The following ZFYVE9 variants were observed in gnomAD, a reference collection of about 807,000 sequenced individuals.
ZFYVE9 encodes zinc finger FYVE-type containing 9.
A neutral mutation model predicts 126.7 loss-of-function variants in ZFYVE9; 43 were observed. The observed-to-expected ratio is 0.34, with a 90% CI of 0.27 to 0.44. The LOEUF (loss-of-function observed/expected upper bound fraction) is 0.44, where lower values mean the gene tolerates loss of function less well. ZFYVE9 is among the 20% of genes least tolerant of loss of function. The pLI is 1.00. For missense variants in ZFYVE9, 1,476 were observed against 1,697.0 expected (o/e 0.87, Z 2.29); for synonymous variants, 521 against 597.4 (o/e 0.87, Z 1.87).
chr1:52,238,627 T>G lies in ZFYVE9; in HGVS notation c.1210T>G (p.Leu404Val). The G allele has an allele frequency of 6.2e-7, 1 of 1,614,020 alleles. No individual in the cohort carries two copies. Among genetic ancestry groups the G allele is most frequent in the Non-Finnish European group, 8.5e-7 (1 of 1,179,968 alleles). The change falls in exon 4 of 19, where the codon TTG (leucine) becomes GTG (valine). Residue 404 changes from leucine to valine, a missense_variant. Leu to Val is a conservative substitution (Grantham distance 32). This residue lies in a region of ZFYVE9 where 807 missense variants were observed against 794.6 expected (regional missense o/e 1.02). Transcript: ENST00000287727. ...ATCTCAGGACATGACTAATTGGAAG[T>G]TGACTAAACTAAATGAGATGAATGA... is the stretch of plus-strand genomic sequence containing the variant. The part of the protein sequence containing the change: ...SESQDMTNWK[L>V]TKLNEMNDSQ...
chr1:52,334,620 TTTG>T, intron 14 of ZFYVE9, 65 bp from the exon 15 acceptor site: 1 of 1,506,744 alleles, frequency 6.6e-7, no homozygotes, highest in Non-Finnish European at 9.1e-7. Flanking sequence ...TTCTGAATAT[TTTG>T]TTATTATTTT....
At chr1:52,296,634 T>C (rs936411457) in intron 12 of ZFYVE9, among the ~76,000 whole-genome samples, 31 of 152,116 alleles carry the variant, frequency 2.0e-4, no homozygotes, top group African/African-American at 7.2e-4. Context: ...TCCTGGATAT[T>C]TGGACCGTTT....
chr1:52,145,652 G>A (rs1203277381), intron 1 of ZFYVE9, among the ~76,000 whole-genome samples: 2 of 152,100 alleles, frequency 1.3e-5, no homozygotes, highest in Admixed American at 6.5e-5. Flanking sequence ...TTAGCTCAGT[G>A]TTTGTCATGT....
intron 8 of ZFYVE9, 116 bp downstream of exon 8, chr1:52,274,700 A>G: frequency 1.8e-6 from 2 of 1,130,656 alleles, no homozygotes; most frequent in South Asian, 2.6e-5. Flanking sequence ...CAACAAAACA[A>G]ACTCCCCCAA....
chr1:52,299,778 A>G (rs1277085328), intron 12 of ZFYVE9, among the ~76,000 whole-genome samples: 3 of 152,172 alleles, frequency 2.0e-5, no homozygotes, highest in Non-Finnish European at 4.4e-5. Flanking sequence ...AGATGGAGAG[A>G]TGCAGTGGCA....
intron 16 of ZFYVE9, 73 bp downstream of exon 16, chr1:52,338,007 A>G (rs933188713): frequency 7.3e-6 from 11 of 1,500,820 alleles, no homozygotes; most frequent in African/African-American, 5.5e-5. Context: ...TGCTGTCTAC[A>G]TTGGTGTTTT....
At chr1:52,269,346 G>T (rs59689099) in intron 7 of ZFYVE9, among the ~76,000 whole-genome samples, 1 of 151,754 alleles carries the variant, frequency 6.6e-6, no homozygotes, top group African/African-American at 2.4e-5. Context: ...CCCAGGCTGC[G>T]TCTCGAACTC....
chr1:52,313,222 T>C (rs758194078), intron 13 of ZFYVE9, among the ~76,000 whole-genome samples: 28 of 152,214 alleles, frequency 1.8e-4, no homozygotes, highest in Non-Finnish European at 3.7e-4. Context: ...TACTTTGATA[T>C]AGCTGTGCAA....
chr1:52,294,748 A>C (rs779063722), intron 11 of ZFYVE9, among the ~76,000 whole-genome samples: 11 of 152,220 alleles, frequency 7.2e-5, no homozygotes, highest in Admixed American at 7.2e-4. Flanking sequence ...AAGGAGGCAT[A>C]TGAATCAGCT....
chr1:52,217,336 A>G (rs1017162317), intron 2 of ZFYVE9, among the ~76,000 whole-genome samples: 1 of 152,200 alleles, frequency 6.6e-6, no homozygotes, highest in Non-Finnish European at 1.5e-5. Flanking sequence ...TAGACTTAAC[A>G]GAAGCGGGGG....
intron 13 of ZFYVE9, among the ~76,000 whole-genome samples, chr1:52,314,890 C>T (rs546192731): frequency 3.9e-5 from 6 of 151,988 alleles, no homozygotes; most frequent in Admixed American, 6.6e-5. Flanking sequence ...GGCCGAGGCA[C>T]GAGAATTGCT....
chr1:52,263,944 T>TC lies in ZFYVE9; in HGVS notation c.2278+77dup, dbSNP rs751996692. ...GGGAATTACGATGAGAAGACTTTTT[T>TC]CCCCCTGCCTTTCTTTACAAGTTGC... On this transcript the variant is annotated intron_variant, in intron 5 of 18. Transcript: ENST00000287727. The TC allele has an allele frequency of 3.7e-4, 354 of 948,278 alleles. 1 individual carries two copies. The highest frequency in any genetic ancestry group is 5.0e-4 in the Non-Finnish European group (318 of 638,498). 58.7% of individuals were successfully genotyped at this position (948,278 alleles called of 1,614,324 possible).
rs1376870517 is a variant in ZFYVE9, at chr1:52,198,146, G to GAGT, written c.-142-18222_-142-18220dup. On this transcript the variant is annotated intron_variant, in intron 1 of 18. Coordinates refer to ENST00000287727, the MANE Select transcript of ZFYVE9 (RefSeq NM_004799.4). ...TTTGTTTTTTTTTTTTTTTGAGATG[G>GAGT]AGTCTCACTCTGTCACCCAAACTGG... 3.2e-5 allele frequency among the ~76,000 whole-genome samples: 3 copies of GAGT among 93,248 alleles called. No individual in the cohort carries two copies. The East Asian group carries it at 1.1e-3, about 35-fold the overall frequency. 61.2% of individuals were successfully genotyped at this position (93,248 alleles called of 152,430 possible). A position where few individuals can be genotyped will look rare whatever the true frequency, so the allele number is the denominator to read the frequency against.
chr1:52,280,557 T>C (rs1020527260), intron 9 of ZFYVE9, among the ~76,000 whole-genome samples: 26 of 152,200 alleles, frequency 1.7e-4, no homozygotes, highest in African/African-American at 6.0e-4. Flanking sequence ...GAGTCCTTTT[T>C]CAGTTCCTTT....
At chr1:52,308,949 T>C (rs1569727608) in intron 13 of ZFYVE9, among the ~76,000 whole-genome samples, 1 of 152,272 alleles carries the variant, frequency 6.6e-6, no homozygotes, top group East Asian at 1.9e-4. Flanking sequence ...AGATCTAATA[T>C]AGATAAAACA....
At chr1:52,176,661 G>A (rs1375206166) in intron 1 of ZFYVE9, among the ~76,000 whole-genome samples, 12 of 152,138 alleles carry the variant, frequency 7.9e-5, no homozygotes, top group African/African-American at 1.7e-4. Flanking sequence ...CGAGCTTCCC[G>A]GCTGCTTTGT....
chr1:52,226,705 G>A (rs1020921274), intron 2 of ZFYVE9, among the ~76,000 whole-genome samples: 4 of 152,278 alleles, frequency 2.6e-5, no homozygotes, highest in Middle Eastern at 3.4e-3. Flanking sequence ...ACATTTTAGG[G>A]AGACATGAGA....
At chr1:52,200,653 G>T (rs1189880319) in intron 1 of ZFYVE9, among the ~76,000 whole-genome samples, 1 of 152,112 alleles carries the variant, frequency 6.6e-6, no homozygotes, top group African/African-American at 2.4e-5. Context: ...TTAGTTTTCT[G>T]ATTCATTTTG....
At chr1:52,181,141 T>G (rs1644697646) in intron 1 of ZFYVE9, among the ~76,000 whole-genome samples, 1 of 151,944 alleles carries the variant, frequency 6.6e-6, no homozygotes, top group Admixed American at 6.5e-5. Context: ...GAGCCGAAGC[T>G]GGACTGTACT....
Sources: allele counts gnomAD v4.1 joint callset (sites outside exome capture counted in the v4.1 genomes callset), GRCh38; gene constraint gnomAD v4.1.1; regional missense constraint gnomAD v4.1.1; transcripts MANE v1.5; gene names NCBI Gene and HGNC (gene_info 2026-07-23, HGNC 2026-07-21).